The following KIF13B variants were observed in gnomAD, a reference collection of about 807,000 sequenced individuals.
The protein encoded by KIF13B is kinesin family member 13B.
In KIF13B, 127 loss-of-function variants were observed where a neutral mutation model predicts 222.0. That is an observed-to-expected ratio of 0.57 (90% CI 0.50 to 0.66). The LOEUF is 0.66. KIF13B is among the 30% of genes least tolerant of loss of function. KIF13B has a pLI of 0.00. For synonymous variants in KIF13B, 976 were observed against 919.0 expected (o/e 1.06, Z -1.12); for missense variants, 2,173 against 2,379.0 (o/e 0.91, Z 1.80).
At chr8:29,090,512 T>C (rs1422636424) in intron 37 of KIF13B, among the ~76,000 whole-genome samples, 1 of 152,098 alleles carries the variant, frequency 6.6e-6, no homozygotes, top group African/African-American at 2.4e-5. Flanking sequence ...TGTAAGTGTT[T>C]CCAGCATTAT....
intron 14 of KIF13B, 56 bp downstream of exon 14, chr8:29,155,670 G>A: frequency 1.3e-6 from 2 of 1,486,998 alleles, no homozygotes; most frequent in South Asian, 1.2e-5. Context: ...TGCCACTAGA[G>A]TACTTTCTTC....
chr8:29,130,806 C>A (rs531970653), intron 23 of KIF13B, 141 bp from the exon 24 acceptor site: 6 of 708,538 alleles, frequency 8.5e-6, no homozygotes, highest in South Asian at 1.8e-5. Context: ...TCAGTGAATA[C>A]CATGCATGTA....
chr8:29,199,086 T>TTTTTTTTTTTTTTTTTATTATACTCTAAG (rs1358025375), intron 2 of KIF13B, among the ~76,000 whole-genome samples: 1 of 151,862 alleles, frequency 6.6e-6, no homozygotes, highest in African/African-American at 2.4e-5. Flanking sequence ...AATAAAATTT[T>TTTTTTTTTTTTTTTTTATTATACTCTAAG]TTAAAAAATA....
intron 11 of KIF13B, among the ~76,000 whole-genome samples, chr8:29,166,325 A>C (rs1811997372): frequency 1.3e-5 from 2 of 152,228 alleles, no homozygotes; most frequent in Non-Finnish European, 2.9e-5. Context: ...TATTCCCAGA[A>C]AACAGGTATG....
Position 29,071,510 on chromosome 8 carries a change from T to C in KIF13B, c.5218+110A>G. On this transcript the variant is annotated intron_variant, in intron 39 of 39. Transcript: ENST00000524189. This position sits in a 1 kb window ranked among gnomAD's most constrained non-coding sequence, Gnocchi z 4.9. Reference sequence around the variant, plus strand: ...CCGCAGCTTCAGCCAAGCCGCTGCCTCCCGGCCCCTCCCTCTCCTGCCCGG... The same window carrying C: ...CCGCAGCTTCAGCCAAGCCGCTGCCCCCCGGCCCCTCCCTCTCCTGCCCGG... 2 of 1,010,452 alleles carry C rather than the reference T, an allele frequency of 2.0e-6. No homozygotes were observed. The highest frequency in any genetic ancestry group is 2.8e-5 in the South Asian group (2 of 70,338). The allele number at this position is 1,010,452 out of a possible 1,614,324, so 62.6% of individuals were successfully genotyped here. A position where few individuals can be genotyped will look rare whatever the true frequency, so the allele number is the denominator to read the frequency against.
intron 16 of KIF13B, among the ~76,000 whole-genome samples, chr8:29,148,241 C>G (rs1316849953): frequency 3.3e-5 from 5 of 152,158 alleles, no homozygotes; most frequent in Non-Finnish European, 5.9e-5. Context: ...GAGATTCTAT[C>G]CATCAGATCA....
intron 2 of KIF13B, among the ~76,000 whole-genome samples, chr8:29,215,697 A>C (rs1164795765): frequency 2.0e-5 from 3 of 152,238 alleles, no homozygotes; most frequent in African/African-American, 7.2e-5. Flanking sequence ...TTTTAATAAG[A>C]GTATGCCTTC....
rs554849171 is a variant in KIF13B at position 29,155,695 on chromosome 8, T to G, written c.1535+31A>C. ...GTACTTTCTTCCTCTGAAAAACTCT[T>G]GTGATATGAACACTAATTCAAGTAT... On this transcript the variant is annotated intron_variant, in intron 14 of 39. Coordinates refer to ENST00000524189, the MANE Select transcript of KIF13B (RefSeq NM_015254.4). The G allele has an allele frequency of 1.9e-6, 3 of 1,584,170 alleles. No homozygotes were observed. In the South Asian group the frequency reaches 3.4e-5, roughly 18 times the overall value.
intron 2 of KIF13B, among the ~76,000 whole-genome samples, chr8:29,234,843 T>G (rs1386616208): frequency 6.6e-6 from 1 of 151,976 alleles, no homozygotes; most frequent in East Asian, 1.9e-4. Context: ...ATCATAAAAA[T>G]GACGGAATGG....
chr8:29,253,297 T>C (rs988472656), intron 1 of KIF13B, among the ~76,000 whole-genome samples: 3 of 152,168 alleles, frequency 2.0e-5, no homozygotes, highest in East Asian at 3.9e-4. Context: ...TGAGCTATGA[T>C]TGTGCTACTA....
intron 34 of KIF13B, 85 bp downstream of exon 34, chr8:29,109,349 T>C: frequency 8.5e-6 from 9 of 1,064,696 alleles, no homozygotes; most frequent in East Asian, 2.4e-5. Flanking sequence ...GAGATGGGGT[T>C]TGACGGGTGG....
chr8:29,243,983 G>C (rs1004474660), intron 2 of KIF13B, among the ~76,000 whole-genome samples: 1 of 152,096 alleles, frequency 6.6e-6, no homozygotes, highest in African/African-American at 2.4e-5. Context: ...TGAAGGATTC[G>C]ATTTCAGATT....
At chr8:29,122,566 C>T (rs373395104) in intron 29 of KIF13B, 25 bp downstream of exon 29, 2 of 1,594,120 alleles carry the variant, frequency 1.3e-6, no homozygotes, top group African/African-American at 2.7e-5. Context: ...AGAGGTAAGC[C>T]TTCAGAAAAC....
intron 2 of KIF13B, among the ~76,000 whole-genome samples, chr8:29,202,398 A>G (rs1406823027): frequency 6.6e-6 from 1 of 152,022 alleles, no homozygotes; most frequent in Non-Finnish European, 1.5e-5. Context: ...GCTCACTGTA[A>G]TCTCTGCCTT....
intron 1 of KIF13B, among the ~76,000 whole-genome samples, chr8:29,249,032 A>G (rs1350688507): frequency 1.3e-5 from 2 of 152,176 alleles, no homozygotes; most frequent in Non-Finnish European, 2.9e-5. Context: ...GCTGTTTTAA[A>G]AAAGTAAAGA....
rs1185912825 is a variant in KIF13B at position 29,072,095 on chromosome 8, G to A, written c.4743C>T (p.Ala1581=). The part of the protein sequence containing the change: ...HSVSTATLSD[A]LGPGLDAAAP... ...CCGCAGCGTCCAGGCCGGGGCCCAG[G>A]GCGTCCGACAGGGTCGCGGTGGAGA... Residue 1581 remains alanine (A), a synonymous_variant, in exon 39 of 40, where the codon GCC becomes GCT. Transcript: ENST00000524189. 12 of 1,347,604 alleles carry A rather than the reference G, an allele frequency of 8.9e-6. No homozygotes were observed. In the South Asian group the frequency reaches 2.0e-4, roughly 22 times the overall value. 83.5% of individuals were successfully genotyped at this position (1,347,604 alleles called of 1,614,324 possible).
At chr8:29,085,702 CTTCTTTTT>C (rs1487031057) in intron 37 of KIF13B, among the ~76,000 whole-genome samples, 2 of 85,938 alleles carry the variant, frequency 2.3e-5, no homozygotes, top group Non-Finnish European at 4.3e-5. Context: ...CAGAAATACT[CTTCTTTTT>C]TTTTTTTTTT....
intron 2 of KIF13B, among the ~76,000 whole-genome samples, chr8:29,211,437 T>A (rs1483338168): frequency 8.1e-5 from 1 of 12,272 alleles, no homozygotes; most frequent in Admixed American, 9.0e-4. Flanking sequence ...CTATAGATAC[T>A]TTCCTGGCCC....
rs374575291 is a variant in KIF13B at position 29,099,181 on chromosome 8, C to A, written c.4276G>T (p.Ala1426Ser). Reference sequence around the variant, plus strand: ...TGGGGAGAAACAGAGAGGGCGGGGGCAGGAGCTATTCCTCTGGAAACTGTG... The same window carrying A: ...TGGGGAGAAACAGAGAGGGCGGGGGAAGGAGCTATTCCTCTGGAAACTGTG... ...QTTVSRGIAP[A>S]PALSVSPQNN... Residue 1426 changes from alanine to serine, a missense_variant, in exon 36 of 40, where the codon GCC becomes TCC. Transcript: ENST00000524189. The A allele has an allele frequency of 1.2e-6, 2 of 1,613,532 alleles. No homozygotes were observed. Among genetic ancestry groups the A allele is most frequent in the African/African-American group, 2.7e-5 (2 of 74,880 alleles).
Sources: allele counts gnomAD v4.1 joint callset (sites outside exome capture counted in the v4.1 genomes callset), GRCh38; gene constraint gnomAD v4.1.1; non-coding constraint Gnocchi (gnomAD v3.1); transcripts MANE v1.5; gene names NCBI Gene and HGNC (gene_info 2026-07-23, HGNC 2026-07-21).